ZFP82: variants seen among roughly 807,000 people sequenced by gnomAD.
ZFP82 encodes the protein zinc finger protein 82 homolog.
In ZFP82, 30 loss-of-function variants were observed where a neutral mutation model predicts 54.0. The ratio of observed to expected loss-of-function variants is 0.56; its 90% CI spans 0.42 to 0.75. The LOEUF (loss-of-function observed/expected upper bound fraction) is 0.75. Among genes scored for constraint, ZFP82 ranks in the 30% least tolerant of loss-of-function variants. The pLI is 0.00. For synonymous variants in ZFP82, 194 were observed against 209.5 expected, an observed-to-expected ratio of 0.93 and a Z score of 0.64; for missense variants, 500 against 636.8, an observed-to-expected ratio of 0.79 and a Z score of 2.31.
intron 1 of ZFP82, among the ~76,000 whole-genome samples, chr19:36,410,433 A>ATGTATGTGTGTGTGTGTGTG (rs1555763673): frequency 4.7e-5 from 7 of 147,934 alleles, no homozygotes; most frequent in South Asian, 2.1e-4. Context: ...TTATATATGT[A>ATGTATGTGTGTGTGTGTGTG]TGTGTGTGTG....
intron 1 of ZFP82, among the ~76,000 whole-genome samples, chr19:36,417,523 C>A (rs1027948854): frequency 4.6e-5 from 7 of 152,180 alleles, no homozygotes; most frequent in African/African-American, 1.7e-4. Flanking sequence ...AAACAGGCAA[C>A]AGCAATTCAT....
intron 3 of ZFP82, among the ~76,000 whole-genome samples, chr19:36,406,538 G>GT (rs1353198865): frequency 2.0e-5 from 3 of 152,098 alleles, no homozygotes; most frequent in Non-Finnish European, 4.4e-5. Flanking sequence ...TTAGCATAGT[G>GT]TTTTTTATAT....
intron 4 of ZFP82, 198 bp from the exon 5 acceptor site, chr19:36,394,308 AT>A: frequency 1.8e-6 from 1 of 553,096 alleles, no homozygotes. Flanking sequence ...AAGATTGGTG[AT>A]GAAGTAAACA....
At chr19:36,394,621 C>A (rs1242837826) in intron 4 of ZFP82, 1 of 155,866 alleles carries the variant, frequency 6.4e-6, no homozygotes, top group Non-Finnish European at 1.4e-5. Context: ...CCTGGAGAGG[C>A]CTCCTTGCAG....
chr19:36,388,372 T>TATGTTATGG (rs2032139815), downstream of ZFP82, among the ~76,000 whole-genome samples: 2 of 152,152 alleles, frequency 1.3e-5, no homozygotes, highest in Non-Finnish European at 2.9e-5. Context: ...GGTTATATAT[T>TATGTTATGG]CTTTAAAGCT....
intron 4 of ZFP82, among the ~76,000 whole-genome samples, chr19:36,399,133 TAAC>T (rs1350605607): frequency 6.6e-6 from 1 of 152,146 alleles, no homozygotes; most frequent in Non-Finnish European, 1.5e-5. Context: ...AATATACATT[TAAC>T]AATAAAATAT....
At chr19:36,411,877 A>AG (rs1342946597) in intron 1 of ZFP82, among the ~76,000 whole-genome samples, 1 of 151,772 alleles carries the variant, frequency 6.6e-6, no homozygotes, top group Non-Finnish European at 1.5e-5. Context: ...AAAAAAAAAA[A>AG]AAAGAAAACA....
At chr19:36,394,161 AGC>A in intron 4 of ZFP82, 51 bp from the exon 5 acceptor site, 13 of 1,479,348 alleles carry the variant, frequency 8.8e-6, no homozygotes, top group African/African-American at 1.4e-5. Context: ...TACTAAAAGA[AGC>A]AACATTTCTA....
At chr19:36,386,904 C>T (rs1361168693), downstream of ZFP82, among the ~76,000 whole-genome samples, 1 of 152,214 alleles carries the variant, frequency 6.6e-6, no homozygotes, top group Non-Finnish European at 1.5e-5. Context: ...CATTGCACTC[C>T]AGCCTGGGTG....
In ZFP82 at chr19:36,405,587, T is replaced by A. The variant is rs1159043076; in HGVS notation, c.222A>T (p.Gln74His). 1.9e-6 allele frequency: 3 copies of A among 1,609,754 alleles called. No homozygotes were observed. In the East Asian group the frequency reaches 6.7e-5, roughly 36 times the overall value. ...TGCCCAACTAGCCCTCACCTGGATA[T>A]TGTCTTCTTCCTTTCCTCACAACTT... ...PWKVVRKGRR[Q>H]YPDLETKYET... The change falls in exon 4 of 5, where the codon CAA (glutamine) becomes CAT (histidine). Residue 74 changes from glutamine to histidine, a missense_variant. Transcript: ENST00000392161.
At position 36,392,793 on chromosome 19, in the gene ZFP82, C is replaced by T; in HGVS notation, c.1547G>A (p.Arg516Lys). The T allele has an allele frequency of 6.2e-7, 1 of 1,603,982 alleles. No homozygotes were observed. Among genetic ancestry groups the T allele is most frequent in the Non-Finnish European group, 8.5e-7 (1 of 1,176,512 alleles). ...ATGATGAGTAAGGTGTGAATGTTGC[C>T]TAAAGGCCTTCTTACATTCCTTACA... Reference protein sequence around the residue: ...YECKECKKAFRQHSHLTHHLK... With the variant: ...YECKECKKAFKQHSHLTHHLK... The change falls in exon 5 of 5, where the codon AGG becomes AAG. Residue 516 changes from arginine to lysine, a missense_variant. Transcript: ENST00000392161.
chr19:36,399,458 T>C (rs2032348680), intron 4 of ZFP82, among the ~76,000 whole-genome samples: 1 of 152,194 alleles, frequency 6.6e-6, no homozygotes, highest in African/African-American at 2.4e-5. Flanking sequence ...CAACTACTAC[T>C]GTTTACCTCC....
At chr19:36,401,356 T>C (rs534836338) in intron 4 of ZFP82, among the ~76,000 whole-genome samples, 1 of 152,228 alleles carries the variant, frequency 6.6e-6, no homozygotes. Context: ...TATCTTAAAC[T>C]GAAACTCTTA....
At chr19:36,406,490 C>A (rs2032484072) in intron 3 of ZFP82, among the ~76,000 whole-genome samples, 1 of 152,164 alleles carries the variant, frequency 6.6e-6, no homozygotes, top group African/African-American at 2.4e-5. Flanking sequence ...TAAATAGAAT[C>A]ATATAATATG....
intron 4 of ZFP82, chr19:36,394,643 C>T: frequency 6.5e-6 from 1 of 154,612 alleles, no homozygotes; most frequent in Non-Finnish European, 1.4e-5. Flanking sequence ...CCTCACATGT[C>T]CTAACTTACT....
chr19:36,385,735 C>T (rs2032107961), downstream of ZFP82, among the ~76,000 whole-genome samples: 2 of 152,148 alleles, frequency 1.3e-5, no homozygotes, highest in African/African-American at 4.8e-5. Context: ...TAAAGGCCAT[C>T]CTTATTAGAA....
downstream of ZFP82, among the ~76,000 whole-genome samples, chr19:36,386,193 G>T (rs1267994967): frequency 6.6e-6 from 1 of 152,220 alleles, no homozygotes; most frequent in Non-Finnish European, 1.5e-5. Flanking sequence ...CTTCCCACAT[G>T]CCAGTAGAGT....
intron 3 of ZFP82, 25 bp from the exon 4 acceptor site, chr19:36,405,697 G>T: frequency 6.6e-7 from 1 of 1,508,762 alleles, no homozygotes; most frequent in Non-Finnish European, 9.0e-7. Context: ...AGGAATATAA[G>T]GTACATGAAA....
Position 36,409,818 on chromosome 19 carries a change from C to A in ZFP82, c.-29G>T. ...ATAGAAATTCAAGAACTGGTCAGTC[C>A]TCCTTGGGGTTTACTTGCCAGGAGA... On this transcript the variant is annotated 5_prime_UTR_variant, in exon 2 of 5. It adds an upstream start codon to the 5' untranslated region. Transcript: ENST00000392161. 3 of 1,613,652 alleles carry A rather than the reference C, an allele frequency of 1.9e-6. No homozygotes were observed. The highest frequency in any genetic ancestry group is 2.5e-6 in the Non-Finnish European group (3 of 1,179,746).
Sources: gnomAD v4.1 joint callset for allele counts (sites outside exome capture counted in the v4.1 genomes callset) on GRCh38, gnomAD v4.1.1 for gene constraint, MANE v1.5 for transcripts, NCBI Gene and HGNC (gene_info 2026-07-23, HGNC 2026-07-21) for gene names.